Variants in ANKRD44 observed in about 807,000 individuals in gnomAD.
ANKRD44 encodes ankyrin repeat domain 44.
A neutral mutation model predicts 116.0 loss-of-function variants in ANKRD44; 35 were observed. The ratio of observed to expected loss-of-function variants is 0.30; its 90% CI spans 0.23 to 0.40. ANKRD44 has a LOEUF of 0.40. ANKRD44 is among the 10% of genes least tolerant of loss of function. The pLI, the probability that ANKRD44 is intolerant of heterozygous loss-of-function variation, is 1.00. For missense variants in ANKRD44, 1,014 were observed against 1,242.6 expected (o/e 0.82, Z 2.77); for synonymous variants, 435 against 461.8 (o/e 0.94, Z 0.74).
At chr2:197,063,404 C>T (rs2077360338) in intron 16 of ANKRD44, among the ~76,000 whole-genome samples, 1 of 152,210 alleles carries the variant, frequency 6.6e-6, no homozygotes, top group South Asian at 2.1e-4. Flanking sequence ...GTCTCTCCCC[C>T]TCCAAAGGAA....
intron 21 of ANKRD44, among the ~76,000 whole-genome samples, chr2:196,976,669 C>T (rs1289980915): frequency 1.3e-5 from 2 of 152,074 alleles, no homozygotes; most frequent in Non-Finnish European, 2.9e-5. Flanking sequence ...GAGTTAAGAT[C>T]AGCCTGCACA....
At chr2:197,220,969 G>T (rs2081571789) in intron 1 of ANKRD44, among the ~76,000 whole-genome samples, 1 of 152,246 alleles carries the variant, frequency 6.6e-6, no homozygotes, top group East Asian at 1.9e-4. Flanking sequence ...GCTGCTAGAG[G>T]TCGGGCACAG....
chr2:197,185,425 G>A (rs914922637), intron 2 of ANKRD44, among the ~76,000 whole-genome samples: 1 of 152,194 alleles, frequency 6.6e-6, no homozygotes, highest in African/African-American at 2.4e-5. Context: ...CCACCTCCCT[G>A]TGGCAAAGCT....
chr2:197,046,918 A>T (rs542145287), intron 16 of ANKRD44, among the ~76,000 whole-genome samples: 2 of 152,370 alleles, frequency 1.3e-5, no homozygotes, highest in South Asian at 4.1e-4. Context: ...ATAAAAAGTT[A>T]GCCTTAAAAA....
chr2:197,223,439 T>TGA (rs2081629843), intron 1 of ANKRD44, among the ~76,000 whole-genome samples: 2 of 152,324 alleles, frequency 1.3e-5, no homozygotes. Flanking sequence ...TCAACATTAT[T>TGA]ATGTTTTGGG....
At position 197,219,795 on chromosome 2, in the gene ANKRD44, C is replaced by G. The variant is rs189182046; in HGVS notation, c.28-32689G>C. 2.6e-5 allele frequency among the ~76,000 whole-genome samples: 4 copies of G among 152,060 alleles called. No homozygotes were observed. In the East Asian group the frequency reaches 7.7e-4, roughly 29 times the overall value. ...AGAACGCACCAGGATGCAAAGGAAGCTCAAATCTCACCTCCCAAGGGAAAA... is the reference window on the plus strand; with the variant it reads ...AGAACGCACCAGGATGCAAAGGAAGGTCAAATCTCACCTCCCAAGGGAAAA... On this transcript the variant is annotated intron_variant, in intron 1 of 27. Coordinates refer to ENST00000282272, the MANE Select transcript of ANKRD44 (RefSeq NM_001195144.2).
intron 1 of ANKRD44, chr2:197,250,938 C>T (rs1166861157): frequency 5.3e-5 from 8 of 152,182 alleles, no homozygotes; most frequent in Non-Finnish European, 1.0e-4. Flanking sequence ...AGTTGTAAAG[C>T]CCTTCAAATT....
chr2:197,276,403 T>C (rs1162537583), intron 1 of ANKRD44, among the ~76,000 whole-genome samples: 2 of 152,016 alleles, frequency 1.3e-5, no homozygotes, highest in Non-Finnish European at 2.9e-5. Flanking sequence ...ATAACACACC[T>C]GTATTGCTCT....
chr2:197,057,648 G>T (rs1274450704), intron 16 of ANKRD44, among the ~76,000 whole-genome samples: 4 of 152,144 alleles, frequency 2.6e-5, no homozygotes, highest in Non-Finnish European at 5.9e-5. Flanking sequence ...CCAAGGCCAG[G>T]AGTTTGAGAC....
At chr2:197,050,206 T>C (rs2077080266) in intron 16 of ANKRD44, among the ~76,000 whole-genome samples, 2 of 152,044 alleles carry the variant, frequency 1.3e-5, no homozygotes, top group African/African-American at 4.8e-5. Flanking sequence ...ACACCCTCAC[T>C]ATCACAATGA....
At chr2:197,072,066 G>A (rs1025971638) in intron 16 of ANKRD44, among the ~76,000 whole-genome samples, 3 of 140,284 alleles carry the variant, frequency 2.1e-5, no homozygotes, top group African/African-American at 9.5e-5. Context: ...AAGGAAGGAA[G>A]GAAGGAAGGA....
At chr2:197,226,596 A>G (rs1050702181) in intron 1 of ANKRD44, among the ~76,000 whole-genome samples, 1 of 152,060 alleles carries the variant, frequency 6.6e-6, no homozygotes, top group Non-Finnish European at 1.5e-5. Flanking sequence ...CCAGGGAGGC[A>G]GAGGTTGCAG....
chr2:197,081,025 A>C (rs750907707), intron 15 of ANKRD44, among the ~76,000 whole-genome samples: 1 of 152,210 alleles, frequency 6.6e-6, no homozygotes, highest in Non-Finnish European at 1.5e-5. Flanking sequence ...AAAGACTCAG[A>C]GGACGAAGCT....
intron 1 of ANKRD44, among the ~76,000 whole-genome samples, chr2:197,214,720 T>C (rs557242291): frequency 7.2e-4 from 109 of 152,274 alleles, no homozygotes; most frequent in African/African-American, 2.6e-3. Context: ...AATGGAATTT[T>C]AAAAGAGTAA....
chr2:197,064,083 T>C (rs1240025259), intron 16 of ANKRD44, among the ~76,000 whole-genome samples: 1 of 152,198 alleles, frequency 6.6e-6, no homozygotes, highest in Non-Finnish European at 1.5e-5. Context: ...GGGAAGCCCA[T>C]CAGACTAACA....
At chr2:196,969,092 G>A (rs1327184223) in intron 21 of ANKRD44, among the ~76,000 whole-genome samples, 1 of 152,178 alleles carries the variant, frequency 6.6e-6, no homozygotes, top group Non-Finnish European at 1.5e-5. Flanking sequence ...TATGTGTGGA[G>A]TAGAAAGGGA....
intron 7 of ANKRD44, 111 bp from the exon 8 acceptor site, chr2:197,121,655 T>C (rs2078857591): frequency 2.2e-6 from 2 of 912,606 alleles, no homozygotes; most frequent in Admixed American, 4.2e-5. Context: ...CATCCGCCAA[T>C]ATAATTGTTC....
chr2:196,999,071 T>A lies in ANKRD44; in HGVS notation c.2520-19A>T, dbSNP rs1261352167. 5 of 1,612,560 alleles carry A rather than the reference T, an allele frequency of 3.1e-6. No individual in the cohort carries two copies. The highest frequency in any genetic ancestry group is 4.2e-6 in the Non-Finnish European group (5 of 1,179,338). Reference sequence around the variant, plus strand: ...GGGTGTCCTAAAGATTTAAAACAAGTATCACTTTAGTTTCCTTTAAACTTT... The same window carrying A: ...GGGTGTCCTAAAGATTTAAAACAAGAATCACTTTAGTTTCCTTTAAACTTT... On this transcript the variant is annotated intron_variant, in intron 23 of 27. Transcript: ENST00000282272.
intron 1 of ANKRD44, among the ~76,000 whole-genome samples, chr2:197,221,029 C>T (rs2081573128): frequency 6.6e-6 from 1 of 152,118 alleles, no homozygotes; most frequent in African/African-American, 2.4e-5. Flanking sequence ...ACGGGCAGAT[C>T]ACCTGAGGTC....
Sources: gnomAD v4.1 joint callset for allele counts (sites outside exome capture counted in the v4.1 genomes callset) on GRCh38, gnomAD v4.1.1 for gene constraint, MANE v1.5 for transcripts, NCBI Gene and HGNC (gene_info 2026-07-23, HGNC 2026-07-21) for gene names.